KCNV2: variants seen among roughly 807,000 people sequenced by gnomAD.
KCNV2 encodes potassium voltage-gated channel subfamily V member 2.
Under a neutral mutation model 37.0 loss-of-function variants are expected in KCNV2, and 65 were observed. That is an observed-to-expected ratio of 1.76 (90% CI 1.44 to 2.16). KCNV2 has a LOEUF of 2.16. KCNV2 is among the 30% of genes most tolerant of loss of function. KCNV2 has a pLI of 0.00. For missense variants in KCNV2, 1,232 were observed against 766.7 expected, an observed-to-expected ratio of 1.61 and a Z score of -7.17; for synonymous variants, 518 against 328.6, an observed-to-expected ratio of 1.58 and a Z score of -6.23.
Position 2,717,554 on chromosome 9 carries a change from TG to T in KCNV2, c.-184del. The T allele has an allele frequency of 1.5e-6, 1 of 665,388 alleles. No individual in the cohort carries two copies. The highest frequency in any genetic ancestry group is 2.6e-6 in the Non-Finnish European group (1 of 384,696). The allele number at this position is 665,388 out of a possible 1,614,324, so 41.2% of individuals were successfully genotyped here. A position where few individuals can be genotyped will look rare whatever the true frequency, so the allele number is the denominator to read the frequency against. ...TGCGTTCAGACCCTGCAGGCTGGGCTGGCCTGCCCAGGACCTGAGAAGGGGC... is the reference window on the plus strand; with the variant it reads ...TGCGTTCAGACCCTGCAGGCTGGGCTGCCTGCCCAGGACCTGAGAAGGGGC... On this transcript the variant is annotated 5_prime_UTR_variant, in exon 1 of 2. Coordinates refer to ENST00000382082, the MANE Select transcript of KCNV2 (RefSeq NM_133497.4).
rs998747401 is a variant in KCNV2, at chr9:2,720,964, T to A, written c.1356+1869T>A. Among the ~76,000 whole-genome samples, 4 of 152,374 alleles carry A rather than the reference T, an allele frequency of 2.6e-5. No individual in the cohort carries two copies. In the East Asian group the frequency reaches 5.8e-4, roughly 22 times the overall value. The stretch of plus-strand genomic sequence containing the variant: ...ACTTAAATTTCTGATCTGTTCAATG[T>A]ACAATGAAGTCTAAACCTTTCAAAT... On this transcript the variant is annotated intron_variant, in intron 1 of 1. Transcript: ENST00000382082.
intron 1 of KCNV2, among the ~76,000 whole-genome samples, chr9:2,727,473 TA>T (rs1007575419): frequency 6.6e-6 from 1 of 152,170 alleles, no homozygotes. Flanking sequence ...ACTTTGAGAT[TA>T]ACCCACAATC....
chr9:2,724,743 T>C (rs945745586), intron 1 of KCNV2, among the ~76,000 whole-genome samples: 5 of 152,338 alleles, frequency 3.3e-5, no homozygotes, highest in Admixed American at 2.0e-4. Context: ...GAGACCCTTA[T>C]GTCCTCATAC....
Position 2,718,009 on chromosome 9 carries a change from C to A in KCNV2, c.270C>A (p.Ser90Arg). 6.2e-7 allele frequency: 1 copy of A among 1,613,656 alleles called. No homozygotes were observed. The highest frequency in any genetic ancestry group is 1.1e-5 in the South Asian group (1 of 91,024). The change falls in exon 1 of 2, where the codon AGC (serine) becomes AGA (arginine). Residue 90 changes from serine (S) to arginine (R), a missense_variant. Transcript: ENST00000382082. ...EVTTAKPEGP[S>R]DPPALLSTLN... The stretch of plus-strand genomic sequence containing the variant: ...CCACCGCCAAGCCCGAGGGCCCCAG[C>A]GACCCTCCGGCCCTGCTGTCCACGC...
intron 1 of KCNV2, 87 bp from the exon 2 acceptor site, chr9:2,729,359 A>T (rs1312329074): frequency 6.8e-7 from 1 of 1,461,052 alleles, no homozygotes; most frequent in East Asian, 2.3e-5. Context: ...ACCCACAGGG[A>T]GGACGCTTCC....
At position 2,717,925 on chromosome 9, in the gene KCNV2, G is replaced by C. The variant is rs746642826; in HGVS notation, c.186G>C (p.Glu62Asp). The change falls in exon 1 of 2, where the codon GAG (glutamate) becomes GAC (aspartate). Residue 62 changes from glutamate (E) to aspartate (D), a missense_variant. Physicochemically the swap from Glu to Asp is conservative, Grantham distance 45. Coordinates refer to ENST00000382082, the MANE Select transcript of KCNV2 (RefSeq NM_133497.4). ...ACATCGAGGAAGACGAAGACGGCGA[G>C]GAGGAGGACCAGTGGAAGGACGACC... The part of the protein sequence containing the change: ...NYYIEEDEDG[E>D]EEDQWKDDLA... 1.2e-6 allele frequency: 2 copies of C among 1,614,072 alleles called. No homozygotes were observed. Among genetic ancestry groups the C allele is most frequent in the Non-Finnish European group, 1.7e-6 (2 of 1,179,910 alleles).
At chr9:2,728,855 G>A (rs1244522838) in intron 1 of KCNV2, among the ~76,000 whole-genome samples, 4 of 149,022 alleles carry the variant, frequency 2.7e-5, no homozygotes, top group Admixed American at 2.0e-4. Flanking sequence ...AATCCTAAGA[G>A]TTAGATGGTT....
intron 1 of KCNV2, among the ~76,000 whole-genome samples, chr9:2,723,628 C>G (rs1354901002): frequency 6.6e-6 from 1 of 152,198 alleles, no homozygotes; most frequent in African/African-American, 2.4e-5. Flanking sequence ...TAAATAGAAG[C>G]TACCATAACT....
chr9:2,723,106 A>G (rs1186367068), intron 1 of KCNV2, among the ~76,000 whole-genome samples: 3 of 152,234 alleles, frequency 2.0e-5, no homozygotes, highest in South Asian at 2.1e-4. Context: ...ATTAGTTCCA[A>G]TAATGCAATC....
chr9:2,722,682 T>A (rs1416447667), intron 1 of KCNV2, among the ~76,000 whole-genome samples: 4 of 151,964 alleles, frequency 2.6e-5, no homozygotes, highest in Non-Finnish European at 5.9e-5. Context: ...CCAACCACCC[T>A]GAAATTCAAT....
chr9:2,718,728 T>C lies in KCNV2; in HGVS notation c.989T>C (p.Phe330Ser), dbSNP rs1819797955. ...RLASTPDLRR[F>S]ARSALNLVDL... ...GCCTCCACGCCCGACCTGAGGCGCT[T>C]CGCGCGCAGCGCCCTCAACCTGGTG... The change falls in exon 1 of 2, where the codon TTC (phenylalanine) becomes TCC (serine). Residue 330 changes from phenylalanine (F) to serine (S), a missense_variant. By Grantham distance (155) the Phe-to-Ser change is radical. Transcript: ENST00000382082. 2 of 1,612,606 alleles carry C rather than the reference T, an allele frequency of 1.2e-6. No homozygotes were observed. The highest frequency in any genetic ancestry group is 8.5e-7 in the Non-Finnish European group (1 of 1,179,832).
In KCNV2 at chr9:2,718,833, CG is replaced by C. The variant is rs1486482604; in HGVS notation, c.1096del (p.Val366TrpfsTer88). The C allele has an allele frequency of 1.9e-6, 3 of 1,609,492 alleles. No homozygotes were observed. Among genetic ancestry groups the C allele is most frequent in the Non-Finnish European group, 1.7e-6 (2 of 1,179,934 alleles). On this transcript the variant is annotated frameshift_variant, in exon 1 of 2. Transcript: ENST00000382082. LOFTEE classifies it high-confidence loss of function. The stretch of plus-strand genomic sequence containing the variant: ...GGCGAGGGCCACCAACGCGGCCAGA[CG>C]GTGGGCAGCGTGGGTAAGGTGGGTC... ...FTGEGHQRGQ[T>X]VGSVGKVGQV...
rs113246867 is a variant in KCNV2 at position 2,717,602 on chromosome 9, G to A, written c.-138G>A. On this transcript the variant is annotated 5_prime_UTR_variant, in exon 1 of 2. Transcript: ENST00000382082. ...GGGCAGCTCCGGTGGCAATGTCTGAGCCCCTAGCTGTGCTGGTCCGGGCTG... is the reference window on the plus strand; with the variant it reads ...GGGCAGCTCCGGTGGCAATGTCTGAACCCCTAGCTGTGCTGGTCCGGGCTG... 4 of 1,099,672 alleles carry A rather than the reference G, an allele frequency of 3.6e-6. No homozygotes were observed. The highest frequency in any genetic ancestry group is 1.4e-5 in the South Asian group (1 of 73,846). 68.1% of individuals were successfully genotyped at this position (1,099,672 alleles called of 1,614,324 possible).
Position 2,718,437 on chromosome 9 carries a change from T to C in KCNV2, c.698T>C (p.Phe233Ser), listed in dbSNP as rs1257478211. 3 of 1,606,598 alleles carry C rather than the reference T, an allele frequency of 1.9e-6. No homozygotes were observed. In the East Asian group the frequency reaches 6.7e-5, roughly 36 times the overall value. Residue 233 changes from phenylalanine (F) to serine (S), a missense_variant, in exon 1 of 2, where the codon TTC becomes TCC. Coordinates refer to ENST00000382082, the MANE Select transcript of KCNV2 (RefSeq NM_133497.4). ...QAQVEEAEEL[F>S]RDMRFYGPQR... is the part of the protein sequence containing the mutation. ...CAGGTCGAGGAGGCGGAGGAACTCT[T>C]CCGCGACATGCGCTTCTACGGCCCG...
Position 2,729,814 on chromosome 9 carries a change from G to A in KCNV2, c.*87G>A. On this transcript the variant is annotated 3_prime_UTR_variant, in exon 2 of 2. Coordinates refer to ENST00000382082, the MANE Select transcript of KCNV2 (RefSeq NM_133497.4). ...TAATCATTATGATTGGCAGCAAAAG[G>A]AAATGTGAAGCAGACATACACAAAG... 1.4e-6 allele frequency: 2 copies of A among 1,406,060 alleles called. No homozygotes were observed. Among genetic ancestry groups the A allele is most frequent in the Non-Finnish European group, 2.0e-6 (2 of 995,184 alleles). The allele number at this position is 1,406,060 out of a possible 1,614,324, so 87.1% of individuals were successfully genotyped here.
intron 1 of KCNV2, among the ~76,000 whole-genome samples, chr9:2,720,997 T>C (rs1819857718): frequency 6.6e-6 from 1 of 152,210 alleles, no homozygotes; most frequent in African/African-American, 2.4e-5. Context: ...AATTATCTCT[T>C]TTTATGTTAA....
chr9:2,720,966 C>T (rs1208103224), intron 1 of KCNV2, among the ~76,000 whole-genome samples: 2 of 152,156 alleles, frequency 1.3e-5, no homozygotes, highest in Admixed American at 1.3e-4. Context: ...GTTCAATGTA[C>T]AATGAAGTCT....
chr9:2,720,034 A>C (rs1819837532), intron 1 of KCNV2, among the ~76,000 whole-genome samples: 1 of 152,268 alleles, frequency 6.6e-6, no homozygotes, highest in Admixed American at 6.5e-5. Flanking sequence ...TATATGAAGG[A>C]AAGAATTGAA....
At chr9:2,721,914 A>G (rs1010508830) in intron 1 of KCNV2, among the ~76,000 whole-genome samples, 5 of 152,066 alleles carry the variant, frequency 3.3e-5, no homozygotes, top group Non-Finnish European at 7.4e-5. Flanking sequence ...ATCTGAGAAG[A>G]GGATTCCTAA....
Sources: allele counts gnomAD v4.1 joint callset (sites outside exome capture counted in the v4.1 genomes callset), GRCh38; gene constraint gnomAD v4.1.1; transcripts MANE v1.5; gene names NCBI Gene and HGNC (gene_info 2026-07-23, HGNC 2026-07-21).